The following UBE3C variants were observed in gnomAD, a reference collection of about 807,000 sequenced individuals.
UBE3C encodes ubiquitin-protein ligase E3C.
In UBE3C, 42 loss-of-function variants were observed where a neutral mutation model predicts 129.4. The observed-to-expected ratio is 0.32, with a 90% CI of 0.25 to 0.42. UBE3C has a LOEUF of 0.42. Among genes scored for constraint, UBE3C ranks in the 10% least tolerant of loss-of-function variants. The pLI is 1.00. For missense variants in UBE3C, 1,049 were observed against 1,319.1 expected, an observed-to-expected ratio of 0.80 and a Z score of 3.17; for synonymous variants, 510 against 492.4, an observed-to-expected ratio of 1.04 and a Z score of -0.47.
intron 1 of UBE3C, among the ~76,000 whole-genome samples, chr7:157,148,220 C>A (rs1169080973): frequency 6.6e-6 from 1 of 152,160 alleles, no homozygotes; most frequent in Non-Finnish European, 1.5e-5. Flanking sequence ...CCTGTCTCAG[C>A]CTCCCAAGTA....
intron 10 of UBE3C, chr7:157,192,470 G>T (rs1808995851): frequency 1.3e-6 from 1 of 753,232 alleles, no homozygotes; most frequent in Non-Finnish European, 2.4e-6. Flanking sequence ...GGATAAGGAA[G>T]GAATTCCTCC....
chr7:157,184,134 A>C, intron 9 of UBE3C, 105 bp downstream of exon 9: 32 of 1,452,724 alleles, frequency 2.2e-5, no homozygotes, highest in Non-Finnish European at 2.9e-5. Context: ...TCAGACCCTC[A>C]AGCAGCCTTT....
At chr7:157,230,036 G>A (rs1213482952) in intron 17 of UBE3C, among the ~76,000 whole-genome samples, 1 of 151,966 alleles carries the variant, frequency 6.6e-6, no homozygotes, top group African/African-American at 2.4e-5. Flanking sequence ...AGCCACCCAA[G>A]TAGCTGGGAT....
intron 1 of UBE3C, among the ~76,000 whole-genome samples, chr7:157,141,846 G>A (rs1586637423): frequency 1.3e-5 from 2 of 152,176 alleles, no homozygotes; most frequent in Admixed American, 6.5e-5. Context: ...CTCGGTGCAC[G>A]GCATTGCCCT....
At position 157,267,567 on chromosome 7, in the gene UBE3C, A is replaced by G. The variant is rs761358828; in HGVS notation, c.3082-18A>G. 6 of 1,612,576 alleles carry G rather than the reference A, an allele frequency of 3.7e-6. No homozygotes were observed. The South Asian group carries it at 4.4e-5, about 12-fold the overall frequency. ...CATGCTTGTTACAGTGACATCTTGC[A>G]CACATGCTGTTTTTCAGGAGTTGTA... On this transcript the variant is annotated intron_variant, in intron 22 of 22. Coordinates refer to ENST00000348165, the MANE Select transcript of UBE3C (RefSeq NM_014671.3).
In UBE3C at chr7:157,248,446, G is replaced by T; in HGVS notation, c.2560G>T (p.Val854Leu). 1.2e-6 allele frequency: 2 copies of T among 1,613,650 alleles called. No homozygotes were observed. The highest frequency in any genetic ancestry group is 1.7e-6 in the Non-Finnish European group (2 of 1,180,020). ...LSKLLGTSAD[V>L]DIHHLASLDP... is the part of the protein sequence containing the mutation. ...CAAGTTGCTTGGAACCAGTGCCGAC[G>T]TGGACATTCACCACCTCGCCTCCCT... is the stretch of plus-strand genomic sequence containing the variant. Residue 854 changes from valine (V) to leucine (L), a missense_variant, in exon 19 of 23, where the codon GTG becomes TTG. Coordinates refer to ENST00000348165, the MANE Select transcript of UBE3C (RefSeq NM_014671.3).
At chr7:157,264,130 T>TGC (rs1797000655) in intron 22 of UBE3C, among the ~76,000 whole-genome samples, 1 of 130,664 alleles carries the variant, frequency 7.7e-6, no homozygotes, top group South Asian at 2.6e-4. Flanking sequence ...GCCTGTTACG[T>TGC]GCACACACAC....
chr7:157,190,422 G>A (rs979363959), intron 10 of UBE3C, among the ~76,000 whole-genome samples: 9 of 152,210 alleles, frequency 5.9e-5, no homozygotes, highest in East Asian at 1.9e-4. Flanking sequence ...CACCAGTGAC[G>A]TGTGTTTTAA....
At chr7:157,234,888 T>C (rs1355779787) in intron 18 of UBE3C, among the ~76,000 whole-genome samples, 1 of 152,164 alleles carries the variant, frequency 6.6e-6, no homozygotes, top group African/African-American at 2.4e-5. Flanking sequence ...TCATAATTCA[T>C]TGTATGAAAA....
At chr7:157,229,626 G>A (rs550830338) in intron 17 of UBE3C, among the ~76,000 whole-genome samples, 1 of 149,616 alleles carries the variant, frequency 6.7e-6, no homozygotes, top group African/African-American at 2.5e-5. Context: ...CTGTTTTTGG[G>A]GTTTTTAAAT....
rs1187594337 is a variant in UBE3C at position 157,267,740 on chromosome 7, C to G, written c.3237C>G (p.Gly1079=). ...KLLYAIECAA[G]FELS is the part of the protein sequence containing the mutation. ...TCTATGCGATTGAATGTGCCGCTGGCTTTGAGCTGAGCTGAAGCTGATGCT... is the reference window on the plus strand; with the variant it reads ...TCTATGCGATTGAATGTGCCGCTGGGTTTGAGCTGAGCTGAAGCTGATGCT... The change falls in exon 23 of 23, where the codon GGC becomes GGG. Residue 1079 remains glycine (G), a synonymous_variant. Transcript: ENST00000348165. 6.2e-7 allele frequency: 1 copy of G among 1,607,248 alleles called. No individual in the cohort carries two copies. Among genetic ancestry groups the G allele is most frequent in the Non-Finnish European group, 8.5e-7 (1 of 1,176,790 alleles).
chr7:157,214,609 A>G (rs189818419), intron 13 of UBE3C, among the ~76,000 whole-genome samples: 1 of 152,340 alleles, frequency 6.6e-6, no homozygotes, highest in African/African-American at 2.4e-5. Flanking sequence ...TTAAAGTATC[A>G]ATTTAATTGG....
intron 1 of UBE3C, among the ~76,000 whole-genome samples, chr7:157,145,241 C>CA (rs1025226057): frequency 3.9e-4 from 58 of 148,732 alleles, no homozygotes; most frequent in Middle Eastern, 3.5e-3. Context: ...ACTCTGTCTC[C>CA]AAAAAAAAGA....
At chr7:157,141,098 T>C (rs1028101794) in intron 1 of UBE3C, among the ~76,000 whole-genome samples, 5 of 151,682 alleles carry the variant, frequency 3.3e-5, no homozygotes, top group African/African-American at 9.7e-5. Context: ...GGGATGAGGG[T>C]GGGAGTGTGG....
Position 157,187,381 on chromosome 7 carries a change from G to GGT in UBE3C, c.1331+360_1331+361insGT, listed in dbSNP as rs1554427007. Among the ~76,000 whole-genome samples the GGT allele has an allele frequency of 1.8e-3, 257 of 142,952 alleles. 1 individual carries two copies. Among genetic ancestry groups the GGT allele is most frequent in the Middle Eastern group, 3.6e-3 (1 of 280 alleles). 93.8% of individuals were successfully genotyped at this position (142,952 alleles called of 152,430 possible). On this transcript the variant is annotated intron_variant, in intron 10 of 22. Coordinates refer to ENST00000348165, the MANE Select transcript of UBE3C (RefSeq NM_014671.3). ...TTTCATAGTACTCGTGTTTTATGGG[G>GGT]TTTTTTTTTTTCTTCTTCTTCTTCA...
chr7:157,240,529 A>G (rs1796285693), intron 18 of UBE3C, among the ~76,000 whole-genome samples: 1 of 152,230 alleles, frequency 6.6e-6, no homozygotes. Flanking sequence ...CTACACCCGT[A>G]AACGGCTGTG....
chr7:157,250,264 G>A (rs1796590206), intron 19 of UBE3C, among the ~76,000 whole-genome samples: 1 of 152,114 alleles, frequency 6.6e-6, no homozygotes, highest in Non-Finnish European at 1.5e-5. Context: ...CACCCAGGCT[G>A]GAGGAGTCTA....
At chr7:157,184,597 T>G (rs1808758069) in intron 9 of UBE3C, among the ~76,000 whole-genome samples, 1 of 152,248 alleles carries the variant, frequency 6.6e-6, no homozygotes, top group Non-Finnish European at 1.5e-5. Context: ...GCAATTGAAA[T>G]GGCTTGAGGT....
At chr7:157,210,043 G>C (rs956444648) in intron 13 of UBE3C, among the ~76,000 whole-genome samples, 7 of 152,180 alleles carry the variant, frequency 4.6e-5, no homozygotes, top group Non-Finnish European at 8.8e-5. Flanking sequence ...AGCTGGGCGT[G>C]ATGTACGCCT....
Sources: gnomAD v4.1 joint callset for allele counts (sites outside exome capture counted in the v4.1 genomes callset) on GRCh38, gnomAD v4.1.1 for gene constraint, MANE v1.5 for transcripts, NCBI Gene and HGNC (gene_info 2026-07-23, HGNC 2026-07-21) for gene names.